The following WWP2 variants were observed in gnomAD, a reference collection of about 807,000 sequenced individuals.
WWP2 encodes the protein WW domain containing E3 ubiquitin protein ligase 2.
A neutral mutation model predicts 121.0 loss-of-function variants in WWP2; 57 were observed. The ratio of observed to expected loss-of-function variants is 0.47; its 90% CI spans 0.38 to 0.59. WWP2 has a LOEUF of 0.59. Among genes scored for constraint, WWP2 ranks in the 20% least tolerant of loss-of-function variants. The pLI is 0.00. For missense variants in WWP2, 962 were observed against 1,158.9 expected (o/e 0.83, Z 2.47); for synonymous variants, 449 against 441.3 (o/e 1.02, Z -0.22).
At chr16:69,832,706 G>A (rs973486455) in intron 4 of WWP2, among the ~76,000 whole-genome samples, 2 of 152,104 alleles carry the variant, frequency 1.3e-5, no homozygotes, top group African/African-American at 4.8e-5. Flanking sequence ...ACCACACCTG[G>A]CTAATTTTTG....
rs1427472749 is a variant in WWP2 at position 69,938,296 on chromosome 16, G to A, written c.2343+644G>A. Among the ~76,000 whole-genome samples, 3 of 152,046 alleles carry A rather than the reference G, an allele frequency of 2.0e-5. No homozygotes were observed. In the East Asian group the frequency reaches 5.8e-4, roughly 29 times the overall value. On this transcript the variant is annotated intron_variant, in intron 21 of 23. Transcript: ENST00000359154. ...CCCAAAGTGCTGGGATTACAGGCGT[G>A]AGCCACTGTGCCCAACCCATTTAAG...
intron 2 of WWP2, among the ~76,000 whole-genome samples, chr16:69,789,226 T>G (rs2055856497): frequency 6.6e-6 from 1 of 151,888 alleles, no homozygotes; most frequent in African/African-American, 2.4e-5. Context: ...CCTGGCTAAC[T>G]TTTTTGTTTG....
At chr16:69,888,958 G>T (rs1283914604) in intron 8 of WWP2, among the ~76,000 whole-genome samples, 1 of 152,032 alleles carries the variant, frequency 6.6e-6, no homozygotes. Context: ...CACCTGCCTC[G>T]GCCTCCCAAA....
intron 10 of WWP2, among the ~76,000 whole-genome samples, chr16:69,918,948 A>G (rs749844853): frequency 6.7e-5 from 10 of 150,084 alleles, no homozygotes; most frequent in Non-Finnish European, 1.2e-4. Flanking sequence ...GGTTCAAGCA[A>G]TTCTCCTGCC....
At position 69,925,179 on chromosome 16, in the gene WWP2, C is replaced by T. The variant is rs559603214; in HGVS notation, c.1180-251C>T. 1.2e-5 allele frequency: 16 copies of T among 1,301,242 alleles called. No homozygotes were observed. Among genetic ancestry groups the T allele is most frequent in the Non-Finnish European group, 1.6e-5 (16 of 1,022,210 alleles). 80.6% of individuals were successfully genotyped at this position (1,301,242 alleles called of 1,614,324 possible). A position where few individuals can be genotyped will look rare whatever the true frequency, so the allele number is the denominator to read the frequency against. ...CACCCGCGTACCGCCTCCTCCCCGT[C>T]GCTCTGCCTTTTCCAAAACTCACTT... On this transcript the variant is annotated intron_variant, in intron 10 of 23. Coordinates refer to ENST00000359154, the MANE Select transcript of WWP2 (RefSeq NM_001270454.2). The surrounding 1 kb of genome is among the most constrained non-coding windows in gnomAD (Gnocchi z 4.0).
Position 69,929,519 on chromosome 16 carries a change from C to A in WWP2, c.1306C>A (p.Arg436=). 6.2e-7 allele frequency: 1 copy of A among 1,614,068 alleles called. No homozygotes were observed. Among genetic ancestry groups the A allele is most frequent in the Non-Finnish European group, 8.5e-7 (1 of 1,179,972 alleles). ...NTRTTQWEDP[R]TQGMIQEPAL... ...TCGCACGACCCAGTGGGAGGATCCC[C>A]GGACCCAGGGGTAAGGACTTGGGCT... The change falls in exon 12 of 24, where the codon CGG becomes AGG. Residue 436 remains arginine, a synonymous_variant. Coordinates refer to ENST00000359154, the MANE Select transcript of WWP2 (RefSeq NM_001270454.2).
intron 2 of WWP2, among the ~76,000 whole-genome samples, chr16:69,793,911 C>CTTTT (rs71151135): frequency 0.011 from 702 of 62,348 alleles, 38 homozygotes; most frequent in African/African-American, 0.027. Context: ...ATTATCCTTG[C>CTTTT]TTTTTTTTTT....
chr16:69,795,992 C>T (rs1349217822), intron 2 of WWP2, among the ~76,000 whole-genome samples: 1 of 151,234 alleles, frequency 6.6e-6, no homozygotes, highest in Non-Finnish European at 1.5e-5. Context: ...AGATTGGGGC[C>T]TGGACCAGAA....
chr16:69,884,679 A>G (rs777633522), intron 7 of WWP2, among the ~76,000 whole-genome samples: 11 of 152,228 alleles, frequency 7.2e-5, no homozygotes, highest in African/African-American at 2.7e-4. Context: ...ACATATTTGA[A>G]TCCAGTGCCT....
chr16:69,936,861 G>A (rs1461335435), intron 19 of WWP2: 32 of 504,142 alleles, frequency 6.3e-5, no homozygotes, highest in South Asian at 2.2e-4. Flanking sequence ...GCTTCCATAC[G>A]TCTGAGGTTC....
At position 69,935,526 on chromosome 16, in the gene WWP2, G is replaced by A. The variant is rs545799806; in HGVS notation, c.1843-327G>A. On this transcript the variant is annotated intron_variant, in intron 17 of 23. Transcript: ENST00000359154. The surrounding 1 kb of genome is among the most constrained non-coding windows in gnomAD (Gnocchi z 5.2). ...TTCAGAGCAAGCCTTTTCTGTGAGC[G>A]TGGGGCAGACCTTTGCTAGGCCAGG... Among the ~76,000 whole-genome samples, 4 of 152,378 alleles carry A rather than the reference G, an allele frequency of 2.6e-5. No homozygotes were observed. In the South Asian group the frequency reaches 6.2e-4, roughly 24 times the overall value.
At chr16:69,853,789 A>G (rs1339116723) in intron 6 of WWP2, among the ~76,000 whole-genome samples, 1 of 152,180 alleles carries the variant, frequency 6.6e-6, no homozygotes, top group Non-Finnish European at 1.5e-5. Context: ...AAGGGTAAGG[A>G]GGGAGGGGGG....
chr16:69,937,358 T>G lies in WWP2; in HGVS notation c.2238+120T>G. The G allele has an allele frequency of 1.3e-6, 2 of 1,507,560 alleles. No homozygotes were observed. The highest frequency in any genetic ancestry group is 1.8e-6 in the Non-Finnish European group (2 of 1,122,488). The allele number at this position is 1,507,560 out of a possible 1,614,324, so 93.4% of individuals were successfully genotyped here. On this transcript the variant is annotated intron_variant, in intron 20 of 23. Transcript: ENST00000359154. The surrounding 1 kb of genome is among the most constrained non-coding windows in gnomAD (Gnocchi z 6.6). ...AAAACTCCCACTTCGGCAGGGCAGA[T>G]GGGTTTGATTTGGGACCCACCCTTC... is the stretch of plus-strand genomic sequence containing the variant.
chr16:69,876,336 T>G (rs576867380), intron 7 of WWP2, among the ~76,000 whole-genome samples: 13 of 151,668 alleles, frequency 8.6e-5, no homozygotes, highest in East Asian at 1.9e-4. Context: ...TTGGTTTTTT[T>G]GGGGCATGTT....
intron 1 of WWP2, among the ~76,000 whole-genome samples, chr16:69,772,867 C>T (rs2055445808): frequency 6.6e-6 from 1 of 152,072 alleles, no homozygotes; most frequent in South Asian, 2.1e-4. Context: ...CTGTTGACCT[C>T]TCTTGTGGGC....
intron 4 of WWP2, among the ~76,000 whole-genome samples, chr16:69,807,085 A>G: frequency 6.6e-6 from 1 of 151,292 alleles, no homozygotes. Flanking sequence ...ATGGAGTGCA[A>G]TGGCATGATC....
chr16:69,786,486 T>C (rs2055794545), intron 1 of WWP2, among the ~76,000 whole-genome samples: 1 of 138,398 alleles, frequency 7.2e-6, no homozygotes, highest in South Asian at 2.4e-4. Flanking sequence ...AGTTTCGCTC[T>C]TGTCACCCAG....
chr16:69,775,293 A>T (rs2151773563), intron 1 of WWP2, among the ~76,000 whole-genome samples: 1 of 152,282 alleles, frequency 6.6e-6, no homozygotes, highest in South Asian at 2.1e-4. Flanking sequence ...AAGGTCAGAA[A>T]ATCTTTCATA....
At chr16:69,880,519 T>C in intron 7 of WWP2, among the ~76,000 whole-genome samples, 1 of 152,248 alleles carries the variant, frequency 6.6e-6, no homozygotes, top group African/African-American at 2.4e-5. Flanking sequence ...TGTGTTCATC[T>C]GTATATACAC....
Sources: allele counts gnomAD v4.1 joint callset (sites outside exome capture counted in the v4.1 genomes callset), GRCh38; gene constraint gnomAD v4.1.1; non-coding constraint Gnocchi (gnomAD v3.1); transcripts MANE v1.5; gene names NCBI Gene and HGNC (gene_info 2026-07-23, HGNC 2026-07-21).